The following RBM6 variants were observed in gnomAD, a reference collection of about 807,000 sequenced individuals.
RBM6 encodes RNA binding motif protein 6.
A neutral mutation model predicts 140.4 loss-of-function variants in RBM6; 23 were observed. That is an observed-to-expected ratio of 0.16 (90% CI 0.12 to 0.23). The LOEUF (loss-of-function observed/expected upper bound fraction) is 0.23, where lower values mean the gene tolerates loss of function less well. Ranked by LOEUF, RBM6 falls within the 10% of genes least tolerant of loss-of-function variation. The probability of loss-of-function intolerance (pLI) is 1.00; values close to 1 mark genes in which losing one functional copy is unlikely to be tolerated. For missense variants in RBM6, 1,139 were observed against 1,386.7 expected (o/e 0.82, Z 2.84); for synonymous variants, 439 against 475.6 (o/e 0.92, Z 1.00).
intron 6 of RBM6, among the ~76,000 whole-genome samples, chr3:50,017,732 C>T (rs192706820): frequency 6.6e-6 from 1 of 152,174 alleles, no homozygotes; most frequent in Admixed American, 6.5e-5. Flanking sequence ...TGCATTGTTT[C>T]TTCACTTTGT....
intron 17 of RBM6, among the ~76,000 whole-genome samples, chr3:50,068,146 A>G (rs2090178217): frequency 6.6e-6 from 1 of 152,234 alleles, no homozygotes; most frequent in Non-Finnish European, 1.5e-5. Context: ...AGACTGTAGT[A>G]CTTTTCCTTT....
intron 20 of RBM6, among the ~76,000 whole-genome samples, chr3:50,076,775 A>C (rs1407668256): frequency 6.6e-6 from 1 of 151,190 alleles, no homozygotes; most frequent in Non-Finnish European, 1.5e-5. Context: ...AGTCCCAGCT[A>C]CTCAGAGGCT....
chr3:50,004,408 G>C (rs1395126014), intron 6 of RBM6, among the ~76,000 whole-genome samples: 1 of 141,014 alleles, frequency 7.1e-6, no homozygotes, highest in Non-Finnish European at 1.5e-5. Flanking sequence ...TCGATCTCTT[G>C]TGCCGAAGTG....
At chr3:49,988,231 A>G (rs920060765) in intron 5 of RBM6, among the ~76,000 whole-genome samples, 6 of 151,750 alleles carry the variant, frequency 4.0e-5, no homozygotes, top group East Asian at 1.9e-4. Context: ...TGCAACCTCA[A>G]TCTCCTGGGC....
chr3:49,964,297 T>G (rs1282133445), intron 2 of RBM6, among the ~76,000 whole-genome samples: 2 of 152,220 alleles, frequency 1.3e-5, no homozygotes, highest in African/African-American at 4.8e-5. Context: ...ATGAAAAATT[T>G]AGGTGGAGAA....
At chr3:50,046,762 C>T (rs1336286056) in intron 6 of RBM6, among the ~76,000 whole-genome samples, 2 of 152,028 alleles carry the variant, frequency 1.3e-5, no homozygotes, top group African/African-American at 2.4e-5. Flanking sequence ...GTGAATGAAA[C>T]AGGAGATCCC....
intron 6 of RBM6, among the ~76,000 whole-genome samples, chr3:50,030,754 A>G (rs1406018580): frequency 2.6e-5 from 4 of 152,180 alleles, no homozygotes; most frequent in Non-Finnish European, 5.9e-5. Flanking sequence ...CCATCTTAAC[A>G]TGTGATTTCT....
intron 1 of RBM6, among the ~76,000 whole-genome samples, chr3:49,957,007 G>A (rs1372153865): frequency 6.6e-6 from 1 of 151,992 alleles, no homozygotes; most frequent in Non-Finnish European, 1.5e-5. Flanking sequence ...TTAAGAGGGA[G>A]GGTCTTGCTG....
chr3:49,990,089 G>A (rs1372602841), intron 5 of RBM6, among the ~76,000 whole-genome samples: 1 of 152,056 alleles, frequency 6.6e-6, no homozygotes, highest in African/African-American at 2.4e-5. Flanking sequence ...ACTACATTGA[G>A]GGAACAGAAT....
chr3:49,968,797 T>TTC (rs1559536453), intron 3 of RBM6, 49 bp downstream of exon 3: 1 of 1,290,232 alleles, frequency 7.8e-7, no homozygotes, highest in Non-Finnish European at 1.0e-6. Context: ...TTTTTTTTTT[T>TTC]TGAGACGGAG....
intron 5 of RBM6, among the ~76,000 whole-genome samples, chr3:49,993,795 T>C (rs1310678562): frequency 6.6e-6 from 1 of 151,884 alleles, no homozygotes; most frequent in Non-Finnish European, 1.5e-5. Context: ...ACACAGTTGC[T>C]CATGCCTAAT....
In RBM6 at chr3:49,967,690, G is replaced by A; in HGVS notation, c.265G>A (p.Glu89Lys). The A allele has an allele frequency of 6.2e-7, 1 of 1,614,134 alleles. No homozygotes were observed. Among genetic ancestry groups the A allele is most frequent in the South Asian group, 1.1e-5 (1 of 91,074 alleles). Reference protein sequence around the residue: ...DGPHGDYRGGEGPGHDFRGGD... With the variant: ...DGPHGDYRGGKGPGHDFRGGD... ...ACCGCATGGTGACTATCGAGGAGGGGAGGGACCTGGACATGATTTCAGGGG... is the reference window on the plus strand; with the variant it reads ...ACCGCATGGTGACTATCGAGGAGGGAAGGGACCTGGACATGATTTCAGGGG... The change falls in exon 3 of 21, where the codon GAG (glutamate) becomes AAG (lysine). Residue 89 changes from glutamate to lysine, a missense_variant. Physicochemically the swap from Glu to Lys is moderately conservative, Grantham distance 56. This residue lies in a region of RBM6 where 566 missense variants were observed against 612.7 expected (regional missense o/e 0.92). Coordinates refer to ENST00000266022, the MANE Select transcript of RBM6 (RefSeq NM_005777.3). The surrounding 1 kb of genome is among the most constrained non-coding windows in gnomAD (Gnocchi z 4.0).
At chr3:49,977,925 T>A (rs1180679805) in intron 5 of RBM6, among the ~76,000 whole-genome samples, 2 of 152,112 alleles carry the variant, frequency 1.3e-5, no homozygotes, top group African/African-American at 4.8e-5. Context: ...GAGATCAGCC[T>A]GAGCAACATA....
intron 4 of RBM6, among the ~76,000 whole-genome samples, chr3:49,974,530 C>T (rs1375398169): frequency 1.3e-5 from 2 of 151,682 alleles, no homozygotes; most frequent in Non-Finnish European, 2.9e-5. Flanking sequence ...CGCCACCACG[C>T]CTGGCTAATT....
chr3:49,941,640 C>CAAAAAAAAAAAAAAAA (rs1171636981), intron 1 of RBM6, among the ~76,000 whole-genome samples: 3 of 58,726 alleles, frequency 5.1e-5, no homozygotes, highest in African/African-American at 2.2e-4. Flanking sequence ...AACTCTGTCT[C>CAAAAAAAAAAAAAAAA]AAAAAAAAAA....
At chr3:50,055,312 C>G (rs1403885112) in intron 8 of RBM6, among the ~76,000 whole-genome samples, 1 of 152,178 alleles carries the variant, frequency 6.6e-6, no homozygotes, top group East Asian at 1.9e-4. Flanking sequence ...TGCTTGGAAT[C>G]CCAGCTCCTT....
At chr3:49,953,963 G>T (rs1559518653) in intron 1 of RBM6, among the ~76,000 whole-genome samples, 1 of 151,904 alleles carries the variant, frequency 6.6e-6, no homozygotes, top group Non-Finnish European at 1.5e-5. Context: ...GAAACCCTAG[G>T]TCTACCAGAA....
intron 5 of RBM6, among the ~76,000 whole-genome samples, chr3:49,986,762 C>T (rs1398363916): frequency 6.7e-6 from 1 of 150,230 alleles, no homozygotes; most frequent in African/African-American, 2.4e-5. Flanking sequence ...CCTTCCCCTC[C>T]CCTCCCCTCC....
chr3:50,014,594 A>T (rs2087020113), intron 6 of RBM6, among the ~76,000 whole-genome samples: 1 of 152,178 alleles, frequency 6.6e-6, no homozygotes, highest in Non-Finnish European at 1.5e-5. Context: ...TCATCTTTTC[A>T]TTAGGCTTTA....
Sources: allele counts gnomAD v4.1 joint callset (sites outside exome capture counted in the v4.1 genomes callset), GRCh38; gene constraint gnomAD v4.1.1; regional missense constraint gnomAD v4.1.1; non-coding constraint Gnocchi (gnomAD v3.1); transcripts MANE v1.5; gene names NCBI Gene and HGNC (gene_info 2026-07-23, HGNC 2026-07-21).